The following HYAL4 variants were observed in gnomAD, a reference collection of about 807,000 sequenced individuals.
HYAL4 encodes the protein hyaluronidase-4.
Under a neutral mutation model 35.2 loss-of-function variants are expected in HYAL4, and 37 were observed. The observed-to-expected ratio is 1.05, with a 90% CI of 0.81 to 1.38. HYAL4 has a LOEUF of 1.38. Among genes scored for constraint, HYAL4 ranks in the 40% most tolerant of loss-of-function variants. The probability of loss-of-function intolerance (pLI) is 0.00; values close to 1 mark genes in which losing one functional copy is unlikely to be tolerated. For missense variants in HYAL4, 572 were observed against 572.4 expected, an observed-to-expected ratio of 1.00 and a Z score of 0.01; for synonymous variants, 198 against 203.2, an observed-to-expected ratio of 0.97 and a Z score of 0.22.
At chr7:123,838,453 T>G (rs1806002761) in intron 1 of HYAL4, among the ~76,000 whole-genome samples, 1 of 152,092 alleles carries the variant, frequency 6.6e-6, no homozygotes, top group South Asian at 2.1e-4. Flanking sequence ...ATATCAACAT[T>G]ACAAAATGGT....
chr7:123,803,629 C>A, the HYAL4 span, among the ~76,000 whole-genome samples: 3 of 152,196 alleles, frequency 2.0e-5, no homozygotes, highest in Non-Finnish European at 4.4e-5. Flanking sequence ...CAGATCTCAT[C>A]TCTGTTCTGT....
rs573590467 is a variant in HYAL4, at chr7:123,836,705, G to A, written c.-256-7540G>A. On this transcript the variant is annotated intron_variant, in intron 1 of 4. Coordinates refer to the HYAL4 transcript ENST00000489978. ...GAGATTTATGCTTTAAAGAGGTTCT[G>A]TTTTGATATGTTTCCAGGATTTGTT... is the stretch of plus-strand genomic sequence containing the variant. Among the ~76,000 whole-genome samples, 4 of 151,618 alleles carry A rather than the reference G, an allele frequency of 2.6e-5. No homozygotes were observed. In the East Asian group the frequency reaches 7.8e-4, roughly 30 times the overall value.
chr7:123,868,428 G>A lies in HYAL4; in HGVS notation c.155G>A (p.Trp52Ter), dbSNP rs752386719. ...IYQRKPFIAA[W>*]NAPTDQCLIK... ...CAAAGGAAACCTTTTATAGCTGCTT[G>A]GAATGCTCCAACAGATCAGTGTTTG... The change falls in exon 3 of 5, where the codon TGG (tryptophan) becomes TAG (stop). Residue 52 changes from tryptophan (W) to a stop codon, truncating the protein, a stop_gained. Transcript: ENST00000223026. LOFTEE classifies it high-confidence loss of function. 4 of 1,612,980 alleles carry A rather than the reference G, an allele frequency of 2.5e-6. No individual in the cohort carries two copies. Among genetic ancestry groups the A allele is most frequent in the South Asian group, 1.1e-5 (1 of 90,670 alleles).
At chr7:123,826,482 A>G (rs577725523), upstream of HYAL4, among the ~76,000 whole-genome samples, 1 of 152,300 alleles carries the variant, frequency 6.6e-6, no homozygotes, top group Non-Finnish European at 1.5e-5. Flanking sequence ...CCGGTAAACA[A>G]AAGCACTTAT....
At chr7:123,837,154 C>A (rs1294905779) in intron 1 of HYAL4, among the ~76,000 whole-genome samples, 1 of 152,198 alleles carries the variant, frequency 6.6e-6, no homozygotes, top group Non-Finnish European at 1.5e-5. Context: ...ATCTTTCCTT[C>A]ATTTGTGAAG....
chr7:123,833,573 C>T (rs146292272), intron 1 of HYAL4, among the ~76,000 whole-genome samples: 14 of 152,110 alleles, frequency 9.2e-5, no homozygotes, highest in Admixed American at 9.2e-4. Context: ...TGCAAAATCT[C>T]TTTAGTTTAA....
the HYAL4 span, among the ~76,000 whole-genome samples, chr7:123,815,190 A>G: frequency 2.0e-5 from 3 of 152,290 alleles, no homozygotes; most frequent in Non-Finnish European, 2.9e-5. Flanking sequence ...TGTCAACTCA[A>G]TTCTGAAAAA....
In HYAL4 at chr7:123,868,890, G is replaced by GAAAAAAA; in HGVS notation, c.619_620insAAAAAAA (p.Ile207LysfsTer4). On this transcript the variant is annotated frameshift_variant, in exon 3 of 5. Transcript: ENST00000223026. LOFTEE classifies it high-confidence loss of function. Reference sequence around the variant, plus strand: ...TTCATGAAGGAAACCATCAAATTGGGAATTAAGAGCCGACCCAAAGGCCTT... The same window carrying GAAAAAAA: ...TTCATGAAGGAAACCATCAAATTGGGAAAAAAAAATTAAGAGCCGACCCAAAGGCCTT... 1 of 1,614,170 alleles carries GAAAAAAA rather than the reference G, an allele frequency of 6.2e-7. No individual in the cohort carries two copies. The highest frequency in any genetic ancestry group is 8.5e-7 in the Non-Finnish European group (1 of 1,180,026).
chr7:123,775,333 G>A, the HYAL4 span, among the ~76,000 whole-genome samples: 3 of 152,082 alleles, frequency 2.0e-5, no homozygotes, highest in Non-Finnish European at 4.4e-5. Context: ...AGAGGCTGAG[G>A]CGAGAGGATT....
chr7:123,784,886 G>A, the HYAL4 span, among the ~76,000 whole-genome samples: 14 of 152,078 alleles, frequency 9.2e-5, no homozygotes, highest in Non-Finnish European at 1.5e-4. Context: ...AGTAAGTCAG[G>A]TATCAAGCTG....
the HYAL4 span, among the ~76,000 whole-genome samples, chr7:123,767,909 A>C: frequency 2.0e-5 from 3 of 152,236 alleles, no homozygotes; most frequent in East Asian, 5.8e-4. Context: ...AATAAAAAGC[A>C]GGACACCTGA....
the HYAL4 span, among the ~76,000 whole-genome samples, chr7:123,782,010 A>G: frequency 6.6e-6 from 1 of 152,116 alleles, no homozygotes; most frequent in Non-Finnish European, 1.5e-5. Flanking sequence ...GAGGCTCAAG[A>G]AATCCTCCCA....
chr7:123,816,639 G>A, the HYAL4 span, among the ~76,000 whole-genome samples: 67 of 151,696 alleles, frequency 4.4e-4, no homozygotes, highest in Non-Finnish European at 1.6e-4. Flanking sequence ...AATTTTTGTG[G>A]GTACATTAGA....
chr7:123,829,644 G>C (rs921536497), intron 1 of HYAL4, among the ~76,000 whole-genome samples: 4 of 151,988 alleles, frequency 2.6e-5, no homozygotes, highest in African/African-American at 9.7e-5. Flanking sequence ...AAACAAGCCT[G>C]GACAACATAG....
At chr7:123,802,565 C>G in the HYAL4 span, among the ~76,000 whole-genome samples, 1 of 151,978 alleles carries the variant, frequency 6.6e-6, no homozygotes, top group Admixed American at 6.6e-5. Flanking sequence ...ATTTAAATAT[C>G]TAACCCACAT....
At chr7:123,807,352 A>G in the HYAL4 span, among the ~76,000 whole-genome samples, 1 of 151,824 alleles carries the variant, frequency 6.6e-6, no homozygotes, top group Non-Finnish European at 1.5e-5. Flanking sequence ...AAAAAAATTG[A>G]TCAATGCTGG....
At chr7:123,871,021 T>G (rs1465993478) in intron 3 of HYAL4, among the ~76,000 whole-genome samples, 1 of 152,128 alleles carries the variant, frequency 6.6e-6, no homozygotes, top group African/African-American at 2.4e-5. Context: ...AAGCTTCTTT[T>G]TCTATAGCTA....
At chr7:123,870,376 C>T (rs752266246) in intron 3 of HYAL4, among the ~76,000 whole-genome samples, 4 of 152,160 alleles carry the variant, frequency 2.6e-5, no homozygotes, top group Non-Finnish European at 5.9e-5. Flanking sequence ...AAAAAAGTCT[C>T]TGTTGTGAAC....
chr7:123,801,521 G>A, the HYAL4 span, among the ~76,000 whole-genome samples: 1 of 152,032 alleles, frequency 6.6e-6, no homozygotes, highest in Non-Finnish European at 1.5e-5. Context: ...ACTTATTGAA[G>A]ACAACTTAAA....
Sources: gnomAD v4.1 joint callset for allele counts (sites outside exome capture counted in the v4.1 genomes callset) on GRCh38, gnomAD v4.1.1 for gene constraint, MANE v1.5 for transcripts, NCBI Gene and HGNC (gene_info 2026-07-23, HGNC 2026-07-21) for gene names.